The following IPO11 variants were observed in gnomAD, a reference collection of about 807,000 sequenced individuals.
IPO11 encodes the protein importin-11.
In IPO11, 66 loss-of-function variants were observed where a neutral mutation model predicts 143.2. The observed-to-expected ratio is 0.46, with a 90% CI of 0.38 to 0.57. The LOEUF is 0.57. Among genes scored for constraint, IPO11 ranks in the 20% least tolerant of loss-of-function variants. The pLI is 0.00. For missense variants in IPO11, 1,026 were observed against 1,141.0 expected, an observed-to-expected ratio of 0.90 and a Z score of 1.45; for synonymous variants, 385 against 377.8, an observed-to-expected ratio of 1.02 and a Z score of -0.22.
At chr5:62,500,419 G>A (rs1561336881) in intron 16 of IPO11, among the ~76,000 whole-genome samples, 1 of 152,084 alleles carries the variant, frequency 6.6e-6, no homozygotes, top group Non-Finnish European at 1.5e-5. Context: ...GTATAGTGTA[G>A]CATATACATA....
intron 1 of IPO11, among the ~76,000 whole-genome samples, chr5:62,422,734 G>A (rs57547851): frequency 0.032 from 4,902 of 152,108 alleles, 262 homozygotes; most frequent in African/African-American, 0.11. Context: ...CAAGTTTTTC[G>A]GACAGGTCTT....
chr5:62,526,782 A>G (rs1349081074), intron 21 of IPO11: 1 of 152,362 alleles, frequency 6.6e-6, no homozygotes, highest in African/African-American at 2.4e-5. Flanking sequence ...TGTGTAAGCA[A>G]CTGTGCTAGA....
At chr5:62,504,198 G>A (rs2112261588) in intron 16 of IPO11, among the ~76,000 whole-genome samples, 1 of 152,192 alleles carries the variant, frequency 6.6e-6, no homozygotes, top group East Asian at 1.9e-4. Context: ...AAATATTTTG[G>A]GGATATTTCA....
chr5:62,504,025 T>A lies in IPO11; in HGVS notation c.1591-642T>A, dbSNP rs371657382. On this transcript the variant is annotated intron_variant, in intron 16 of 29. Transcript: ENST00000325324. Reference sequence around the variant, plus strand: ...ATGAATATCTTAGCCCATGCCAATTTTAGCCGATTAAGTCTGCGATAACAC... The same window carrying A: ...ATGAATATCTTAGCCCATGCCAATTATAGCCGATTAAGTCTGCGATAACAC... Among the ~76,000 whole-genome samples, 4 of 152,338 alleles carry A rather than the reference T, an allele frequency of 2.6e-5. No homozygotes were observed. The East Asian group carries it at 5.8e-4, about 22-fold the overall frequency.
chr5:62,538,098 T>C (rs1407100149), intron 24 of IPO11, among the ~76,000 whole-genome samples: 4 of 152,190 alleles, frequency 2.6e-5, no homozygotes, highest in African/African-American at 9.6e-5. Context: ...TTCTAAGATA[T>C]GAGAGCTGAA....
At chr5:62,598,894 TA>T (rs552850115) in intron 28 of IPO11, among the ~76,000 whole-genome samples, 45 of 151,696 alleles carry the variant, frequency 3.0e-4, no homozygotes, top group East Asian at 1.5e-3. Flanking sequence ...TACATAGCCA[TA>T]AAAAAAATCA....
chr5:62,602,090 G>C (rs1156334626), intron 29 of IPO11, among the ~76,000 whole-genome samples: 1 of 152,146 alleles, frequency 6.6e-6, no homozygotes, highest in African/African-American at 2.4e-5. Flanking sequence ...ATGATTTAGT[G>C]TTTTACTTAT....
intron 14 of IPO11, 69 bp downstream of exon 14, chr5:62,489,418 AT>A: frequency 8.8e-7 from 1 of 1,139,796 alleles, no homozygotes; most frequent in African/African-American, 1.6e-5. Flanking sequence ...TTTGTGGTAG[AT>A]TTTGTGCTGA....
chr5:62,475,733 C>T (rs371996980), intron 8 of IPO11, among the ~76,000 whole-genome samples: 14 of 152,142 alleles, frequency 9.2e-5, no homozygotes, highest in African/African-American at 3.4e-4. Context: ...TTTTGTAAAT[C>T]CCTTGTTCAT....
intron 29 of IPO11, among the ~76,000 whole-genome samples, chr5:62,604,495 G>A (rs1745629008): frequency 6.6e-6 from 1 of 152,198 alleles, no homozygotes; most frequent in Non-Finnish European, 1.5e-5. Context: ...GCAGGTGTGA[G>A]CCACCATGCC....
intron 1 of IPO11, among the ~76,000 whole-genome samples, chr5:62,416,397 G>T (rs1349604426): frequency 1.3e-5 from 2 of 151,818 alleles, no homozygotes; most frequent in Non-Finnish European, 2.9e-5. Flanking sequence ...GTCCAGGCTG[G>T]TCTCAAACTC....
intron 4 of IPO11, among the ~76,000 whole-genome samples, chr5:62,450,299 T>C (rs1744864417): frequency 6.6e-6 from 1 of 152,192 alleles, no homozygotes; most frequent in African/African-American, 2.4e-5. Context: ...TGATGCCTAA[T>C]GTTATTTTGG....
chr5:62,507,677 T>G (rs896176634), intron 19 of IPO11, among the ~76,000 whole-genome samples: 3 of 152,220 alleles, frequency 2.0e-5, no homozygotes, highest in African/African-American at 7.2e-5. Flanking sequence ...TTCTGTAATT[T>G]TATTTAGAAA....
chr5:62,627,099 T>C, intron 29 of IPO11, 55 bp from the exon 30 acceptor site: 2 of 1,499,592 alleles, frequency 1.3e-6, no homozygotes, highest in East Asian at 2.3e-5. Context: ...AAATTGCAGG[T>C]AGGAGAGACT....
chr5:62,426,802 A>G (rs1445216119), intron 1 of IPO11, among the ~76,000 whole-genome samples: 2 of 148,628 alleles, frequency 1.3e-5, no homozygotes, highest in African/African-American at 4.9e-5. Flanking sequence ...TATATTTTAT[A>G]TTTTAATTTT....
At chr5:62,456,829 C>T (rs1490757430) in intron 5 of IPO11, among the ~76,000 whole-genome samples, 1 of 152,166 alleles carries the variant, frequency 6.6e-6, no homozygotes, top group African/African-American at 2.4e-5. Flanking sequence ...TGCGGTGGCT[C>T]ACGCCTGTAA....
At chr5:62,618,048 AG>A (rs1320417547) in intron 29 of IPO11, among the ~76,000 whole-genome samples, 1 of 152,158 alleles carries the variant, frequency 6.6e-6, no homozygotes, top group Non-Finnish European at 1.5e-5. Flanking sequence ...CTACTCTATA[AG>A]TAGAATATGT....
chr5:62,605,924 T>G (rs1008198656), intron 29 of IPO11, among the ~76,000 whole-genome samples: 6 of 151,994 alleles, frequency 3.9e-5, no homozygotes, highest in Non-Finnish European at 8.8e-5. Context: ...AGAGACAGGG[T>G]CCCACTTTGT....
intron 5 of IPO11, among the ~76,000 whole-genome samples, chr5:62,456,757 T>A (rs1476495981): frequency 6.6e-6 from 1 of 152,200 alleles, no homozygotes; most frequent in African/African-American, 2.4e-5. Context: ...CTCTTGACAG[T>A]TCATGTGGAA....
Sources: allele counts gnomAD v4.1 joint callset (sites outside exome capture counted in the v4.1 genomes callset), GRCh38; gene constraint gnomAD v4.1.1; transcripts MANE v1.5; gene names NCBI Gene and HGNC (gene_info 2026-07-23, HGNC 2026-07-21).